The following EPHA6 variants were observed in gnomAD, a reference collection of about 807,000 sequenced individuals.
The protein encoded by EPHA6 is EPH receptor A6.
EPHA6 carries 50 observed loss-of-function variants against 112.0 expected under a neutral mutation model. The observed-to-expected ratio is 0.45, with a 90% CI of 0.36 to 0.56. The LOEUF (loss-of-function observed/expected upper bound fraction) is 0.56, where lower values mean the gene tolerates loss of function less well. Among genes scored for constraint, EPHA6 ranks in the 20% least tolerant of loss-of-function variants. EPHA6 has a pLI of 0.00. For synonymous variants in EPHA6, 529 were observed against 490.7 expected, an observed-to-expected ratio of 1.08 and a Z score of -1.03; for missense variants, 1,280 against 1,417.4, an observed-to-expected ratio of 0.90 and a Z score of 1.56.
At chr3:97,091,010 G>T (rs1199776284) in intron 3 of EPHA6, among the ~76,000 whole-genome samples, 1 of 152,012 alleles carries the variant, frequency 6.6e-6, no homozygotes, top group Non-Finnish European at 1.5e-5. Flanking sequence ...AGTGTATTTA[G>T]CAGGTGCAGC....
At chr3:96,866,469 TG>T (rs1184308051) in intron 1 of EPHA6, among the ~76,000 whole-genome samples, 13 of 152,038 alleles carry the variant, frequency 8.6e-5, no homozygotes, top group Middle Eastern at 3.4e-3. Context: ...TCTTCCTGAA[TG>T]TGGTCTAAAA....
intron 5 of EPHA6, among the ~76,000 whole-genome samples, chr3:97,261,624 T>C (rs141432944): frequency 3.1e-4 from 47 of 152,322 alleles, no homozygotes; most frequent in African/African-American, 1.1e-3. Context: ...GACTTCCTAC[T>C]TGACCTAATG....
chr3:97,000,663 A>C, intron 3 of EPHA6, among the ~76,000 whole-genome samples: 1 of 151,746 alleles, frequency 6.6e-6, no homozygotes, highest in East Asian at 1.9e-4. Flanking sequence ...CCTCTTAAAA[A>C]ACTTGCCATA....
intron 14 of EPHA6, among the ~76,000 whole-genome samples, chr3:97,660,854 C>G (rs1175622197): frequency 6.6e-6 from 1 of 152,048 alleles, no homozygotes; most frequent in Non-Finnish European, 1.5e-5. Flanking sequence ...AAATGACATC[C>G]TAATATTAAA....
intron 5 of EPHA6, among the ~76,000 whole-genome samples, chr3:97,366,958 G>A (rs1478529043): frequency 1.3e-5 from 2 of 152,114 alleles, no homozygotes; most frequent in African/African-American, 2.4e-5. Flanking sequence ...TACACGTATT[G>A]ATTCATTGAA....
Position 97,226,411 on chromosome 3 carries a change from C to G in EPHA6, c.1262C>G (p.Ala421Gly), listed in dbSNP as rs771605845. The G allele has an allele frequency of 6.2e-7, 1 of 1,612,350 alleles. No homozygotes were observed. Among genetic ancestry groups the G allele is most frequent in the Non-Finnish European group, 8.5e-7 (1 of 1,179,258 alleles). ...FRAEKDPPSM[A>G]CTRPPSAPRN... ...GCTGAAAAAGACCCACCTTCTATGG[C>G]ATGTACCAGTAAGTCTATACATTTT... The change falls in exon 4 of 18, where the codon GCA becomes GGA. Residue 421 changes from alanine to glycine, a missense_variant. Around this residue, in one of 4 missense-constraint regions of EPHA6, gnomAD observed 878 missense variants for 999.7 expected, o/e 0.88. Transcript: ENST00000389672.
At chr3:97,031,773 C>T (rs1212004562) in intron 3 of EPHA6, among the ~76,000 whole-genome samples, 6 of 151,980 alleles carry the variant, frequency 3.9e-5, no homozygotes, top group African/African-American at 7.3e-5. Context: ...TTTAGAATGG[C>T]GATCATTAAA....
Position 97,518,944 on chromosome 3 carries a change from G to A in EPHA6, c.2201-13414G>A, listed in dbSNP as rs114969057. On this transcript the variant is annotated intron_variant, in intron 10 of 17. Transcript: ENST00000389672. ...TTCAGATATTTTCTCCCATTCAACA[G>A]GTTTTCTCTTCACTCTGTTGATTGT... 3.6e-3 allele frequency among the ~76,000 whole-genome samples: 552 copies of A among 152,106 alleles called. 7 individuals are homozygous for A. The highest frequency in any genetic ancestry group is 0.013 in the African/African-American group (534 of 41,490).
intron 14 of EPHA6, among the ~76,000 whole-genome samples, chr3:97,715,777 A>G (rs917827055): frequency 2.6e-5 from 4 of 152,202 alleles, no homozygotes; most frequent in Non-Finnish European, 4.4e-5. Context: ...ACAAATATAC[A>G]GTACTTCTTG....
At chr3:97,645,527 A>T (rs1490337824) in intron 14 of EPHA6, among the ~76,000 whole-genome samples, 3 of 85,978 alleles carry the variant, frequency 3.5e-5, no homozygotes, top group African/African-American at 1.4e-4. Flanking sequence ...GGGTGGGGGG[A>T]GGGGGGAGGG....
chr3:96,904,566 C>T (rs1016791992), intron 2 of EPHA6, among the ~76,000 whole-genome samples: 8 of 151,228 alleles, frequency 5.3e-5, no homozygotes, highest in African/African-American at 1.9e-4. Flanking sequence ...ATGTAACTAA[C>T]CTGCACATTG....
chr3:97,147,378 A>G (rs2076067742), intron 3 of EPHA6, among the ~76,000 whole-genome samples: 2 of 152,042 alleles, frequency 1.3e-5, no homozygotes, highest in African/African-American at 2.4e-5. Flanking sequence ...TTTTATGTTT[A>G]CTTGACTTTT....
chr3:97,224,258 T>C (rs546628097), intron 3 of EPHA6, among the ~76,000 whole-genome samples: 1 of 152,310 alleles, frequency 6.6e-6, no homozygotes, highest in East Asian at 1.9e-4. Flanking sequence ...GATCACTCTG[T>C]CTGAAGAATG....
intron 3 of EPHA6, among the ~76,000 whole-genome samples, chr3:97,018,106 T>C (rs1324592037): frequency 6.6e-6 from 1 of 151,760 alleles, no homozygotes; most frequent in African/African-American, 2.4e-5. Flanking sequence ...GTCCATCACA[T>C]TTTTCAGCTC....
At chr3:97,158,927 T>C (rs957230207) in intron 3 of EPHA6, among the ~76,000 whole-genome samples, 1 of 152,110 alleles carries the variant, frequency 6.6e-6, no homozygotes, top group Non-Finnish European at 1.5e-5. Context: ...TAGCTTTTTA[T>C]GTTGTAGCCA....
chr3:97,267,123 C>T (rs1576805041), intron 5 of EPHA6, among the ~76,000 whole-genome samples: 1 of 152,142 alleles, frequency 6.6e-6, no homozygotes, highest in African/African-American at 2.4e-5. Flanking sequence ...CTTGCTTATT[C>T]AACTTGTGAA....
chr3:96,869,814 T>C (rs1341000802), intron 2 of EPHA6, among the ~76,000 whole-genome samples: 1 of 152,000 alleles, frequency 6.6e-6, no homozygotes, highest in Non-Finnish European at 1.5e-5. Flanking sequence ...TAAGACAAAA[T>C]TGATGTTAGG....
chr3:97,542,489 T>A (rs544408698), intron 11 of EPHA6, among the ~76,000 whole-genome samples: 1 of 152,318 alleles, frequency 6.6e-6, no homozygotes, highest in Non-Finnish European at 1.5e-5. Flanking sequence ...TAATCCAGTC[T>A]ATCATTGTTG....
intron 14 of EPHA6, among the ~76,000 whole-genome samples, chr3:97,698,878 T>C (rs1376462745): frequency 6.6e-6 from 1 of 152,220 alleles, no homozygotes; most frequent in Non-Finnish European, 1.5e-5. Context: ...TGCCAAACGG[T>C]TCCTGCCAAT....
Sources: gnomAD v4.1 joint callset for allele counts (sites outside exome capture counted in the v4.1 genomes callset) on GRCh38, gnomAD v4.1.1 for gene constraint, gnomAD v4.1.1 regional missense constraint, MANE v1.5 for transcripts, NCBI Gene and HGNC (gene_info 2026-07-23, HGNC 2026-07-21) for gene names.